RAB27B: variants seen among roughly 807,000 people sequenced by gnomAD.
The protein encoded by RAB27B is ras-related protein Rab-27B.
Under a neutral mutation model 24.6 loss-of-function variants are expected in RAB27B, and 15 were observed. That is an observed-to-expected ratio of 0.61 (90% CI 0.41 to 0.94). The LOEUF (loss-of-function observed/expected upper bound fraction) is 0.94, where lower values mean the gene tolerates loss of function less well. Among genes scored for constraint, RAB27B ranks in the 40% least tolerant of loss-of-function variants. The pLI is 0.00. For missense variants in RAB27B, 261 were observed against 266.8 expected (o/e 0.98, Z 0.15); for synonymous variants, 105 against 92.5 (o/e 1.14, Z -0.78).
intron 2 of RAB27B, among the ~76,000 whole-genome samples, chr18:54,761,553 C>T (rs1908189838): frequency 6.6e-6 from 1 of 152,176 alleles, no homozygotes; most frequent in Non-Finnish European, 1.5e-5. Flanking sequence ...TATAAACCTT[C>T]ATCTCAGTTT....
At chr18:54,737,417 AATTT>A (rs1909928904) in intron 2 of RAB27B, among the ~76,000 whole-genome samples, 1 of 151,356 alleles carries the variant, frequency 6.6e-6, no homozygotes, top group Non-Finnish European at 1.5e-5. Flanking sequence ...AATAACATTA[AATTT>A]GATTGCAGAG....
chr18:54,874,356 AT>A lies in RAB27B; in HGVS notation c.-19-3209del, dbSNP rs1331237521. 5.3e-5 allele frequency among the ~76,000 whole-genome samples: 8 copies of A among 152,340 alleles called. No homozygotes were observed. The East Asian group carries it at 1.5e-3, about 29-fold the overall frequency. On this transcript the variant is annotated intron_variant, in intron 1 of 5. Coordinates refer to ENST00000262094, the MANE Select transcript of RAB27B (RefSeq NM_004163.4). The stretch of plus-strand genomic sequence containing the variant: ...GATTTGACTCATTTATCAATTAATC[AT>A]TCTACCTTGCAAAATTACGTTGTAT...
rs1913321846 is a variant in RAB27B, at chr18:54,890,395, C to T, written c.*982C>T. The stretch of plus-strand genomic sequence containing the variant: ...TATTAAATCTCTTTTAAAATGCAGT[C>T]AAGGAAAACTAGCCTTGAATTTTTT... On this transcript the variant is annotated 3_prime_UTR_variant, in exon 6 of 6. Coordinates refer to ENST00000262094, the MANE Select transcript of RAB27B (RefSeq NM_004163.4). 1 of 151,984 alleles carries T rather than the reference C, an allele frequency of 6.6e-6. No homozygotes were observed. Among genetic ancestry groups the T allele is most frequent in the Admixed American group, 6.6e-5 (1 of 15,254 alleles). The allele number at this position is 151,984 out of a possible 1,614,324, so 9.4% of individuals were successfully genotyped here. A position where few individuals can be genotyped will look rare whatever the true frequency, so the allele number is the denominator to read the frequency against.
At chr18:54,851,454 T>C (rs1911584979) in intron 1 of RAB27B, among the ~76,000 whole-genome samples, 1 of 152,194 alleles carries the variant, frequency 6.6e-6, no homozygotes, top group Non-Finnish European at 1.5e-5. Context: ...GGCGCAAATA[T>C]AATTCTTTTC....
At position 54,890,515 on chromosome 18, in the gene RAB27B, C is replaced by G. The variant is rs1913326268; in HGVS notation, c.*1102C>G. On this transcript the variant is annotated 3_prime_UTR_variant, in exon 6 of 6. Transcript: ENST00000262094. The stretch of plus-strand genomic sequence containing the variant: ...AAGTACTGGAAACTAAATCATATTT[C>G]TTCCCTCCAAATTTCACCCATTCCT... The G allele has an allele frequency of 6.6e-6, 1 of 152,142 alleles. No homozygotes were observed. The highest frequency in any genetic ancestry group is 1.5e-5 in the Non-Finnish European group (1 of 67,992). The allele number at this position is 152,142 out of a possible 1,614,324, so 9.4% of individuals were successfully genotyped here.
intron 2 of RAB27B, among the ~76,000 whole-genome samples, chr18:54,744,417 A>G (rs182182268): frequency 9.2e-5 from 14 of 152,304 alleles, no homozygotes; most frequent in Admixed American, 5.2e-4. Context: ...ATCATTAGCA[A>G]TCTAGACCCA....
intron 4 of RAB27B, among the ~76,000 whole-genome samples, chr18:54,885,603 A>G (rs946309487): frequency 6.6e-6 from 1 of 151,584 alleles, no homozygotes; most frequent in African/African-American, 2.4e-5. Flanking sequence ...TTGACTGACC[A>G]CTCCATCTAA....
intron 2 of RAB27B, among the ~76,000 whole-genome samples, chr18:54,735,719 G>A (rs539252634): frequency 4.6e-5 from 7 of 151,904 alleles, no homozygotes; most frequent in South Asian, 4.2e-4. Flanking sequence ...AAAGGGTTTC[G>A]CCATGTTGGC....
At chr18:54,802,115 G>C (rs1046167317) in intron 2 of RAB27B, among the ~76,000 whole-genome samples, 1 of 152,202 alleles carries the variant, frequency 6.6e-6, no homozygotes. Context: ...TAAAGTGAGG[G>C]ATCAAAGTTA....
At chr18:54,745,815 TA>T (rs1286643027) in intron 2 of RAB27B, among the ~76,000 whole-genome samples, 1 of 147,408 alleles carries the variant, frequency 6.8e-6, no homozygotes, top group Non-Finnish European at 1.5e-5. Context: ...TTATAAATAT[TA>T]AATATTTATA....
rs1267396482 is a variant in RAB27B, at chr18:54,894,148, G to T, written c.*4735G>T. 6.6e-6 allele frequency: 1 copy of T among 151,880 alleles called. No homozygotes were observed. Among genetic ancestry groups the T allele is most frequent in the Non-Finnish European group, 1.5e-5 (1 of 67,898 alleles). 9.4% of individuals were successfully genotyped at this position (151,880 alleles called of 1,614,324 possible). On this transcript the variant is annotated 3_prime_UTR_variant, in exon 6 of 6. Transcript: ENST00000262094. ...AAGATGCTTTCCTGCAGAGTTCTTT[G>T]TATCAACAGCCTATGGTTGAGATGT...
upstream of RAB27B, among the ~76,000 whole-genome samples, chr18:54,825,977 T>G (rs1910458471): frequency 6.6e-6 from 1 of 152,264 alleles, no homozygotes. Flanking sequence ...TATAGAATCC[T>G]CTGCTCTTCC....
intron 2 of RAB27B, among the ~76,000 whole-genome samples, chr18:54,778,369 A>T (rs771076207): frequency 4.6e-5 from 7 of 152,226 alleles, no homozygotes; most frequent in Non-Finnish European, 1.0e-4. Flanking sequence ...GAATGAAGGC[A>T]ACTGATCTTT....
At chr18:54,863,201 T>C (rs1912075520) in intron 1 of RAB27B, among the ~76,000 whole-genome samples, 1 of 152,196 alleles carries the variant, frequency 6.6e-6, no homozygotes, top group South Asian at 2.1e-4. Context: ...ATACATAGAT[T>C]ATTAAAGGTA....
intron 1 of RAB27B, among the ~76,000 whole-genome samples, chr18:54,852,342 G>C (rs1598961442): frequency 2.6e-5 from 4 of 152,108 alleles, no homozygotes. Flanking sequence ...ATATTGAGAG[G>C]AGCTAGGATT....
intron 5 of RAB27B, 41 bp downstream of exon 5, chr18:54,888,159 G>A: frequency 6.2e-7 from 1 of 1,602,570 alleles, no homozygotes; most frequent in Non-Finnish European, 8.5e-7. Context: ...CTTGCACACT[G>A]CTGTTCAGCA....
intron 1 of RAB27B, among the ~76,000 whole-genome samples, chr18:54,868,266 G>T (rs1026150183): frequency 8.6e-5 from 13 of 152,036 alleles, no homozygotes; most frequent in African/African-American, 3.1e-4. Context: ...AAAAGTGTGT[G>T]GCACCTCCCC....
At chr18:54,864,250 A>G (rs1412518213) in intron 1 of RAB27B, among the ~76,000 whole-genome samples, 2 of 152,146 alleles carry the variant, frequency 1.3e-5, no homozygotes, top group Non-Finnish European at 2.9e-5. Flanking sequence ...ATACTTTTCT[A>G]ATAACTAATG....
chr18:54,731,492 G>A (rs953847379), intron 2 of RAB27B, among the ~76,000 whole-genome samples: 7 of 151,798 alleles, frequency 4.6e-5, no homozygotes, highest in African/African-American at 7.3e-5. Context: ...AGGCTGAGGC[G>A]GGCAGATCAC....
Sources: gnomAD v4.1 joint callset for allele counts (sites outside exome capture counted in the v4.1 genomes callset) on GRCh38, gnomAD v4.1.1 for gene constraint, MANE v1.5 for transcripts, NCBI Gene and HGNC (gene_info 2026-07-23, HGNC 2026-07-21) for gene names.